The following STK33 variants were observed in gnomAD, a reference collection of about 807,000 sequenced individuals.
The protein encoded by STK33 is serine/threonine-protein kinase 33.
A neutral mutation model predicts 58.0 loss-of-function variants in STK33; 52 were observed. The observed-to-expected ratio is 0.90, with a 90% CI of 0.72 to 1.13. The LOEUF (loss-of-function observed/expected upper bound fraction) is 1.13. Among genes scored for constraint, STK33 ranks in the 50% most tolerant of loss-of-function variants. The probability of loss-of-function intolerance (pLI) is 0.00; values close to 1 mark genes in which losing one functional copy is unlikely to be tolerated. For missense variants in STK33, 630 were observed against 604.2 expected (o/e 1.04, Z -0.45); for synonymous variants, 215 against 200.1 (o/e 1.07, Z -0.63).
intron 1 of STK33, among the ~76,000 whole-genome samples, chr11:8,546,946 C>G (rs1955968903): frequency 6.6e-6 from 1 of 152,080 alleles, no homozygotes; most frequent in South Asian, 2.1e-4. Flanking sequence ...AGTGGGATTG[C>G]TGGATCATAC....
At chr11:8,526,471 A>G (rs1954033480) in intron 1 of STK33, among the ~76,000 whole-genome samples, 1 of 152,152 alleles carries the variant, frequency 6.6e-6, no homozygotes, top group Non-Finnish European at 1.5e-5. Context: ...AAAGTTAAAT[A>G]TACGCATATC....
rs529030457 is a variant in STK33, at chr11:8,503,444, C to A, written c.-465-22830G>T. On this transcript the variant is annotated intron_variant, in intron 1 of 15. Transcript: ENST00000687296. ...GTACACATGGACACAAAGAAGGGAA[C>A]AATAGACACTGGGGCCTGCTTGAGA... 2.0e-5 allele frequency among the ~76,000 whole-genome samples: 3 copies of A among 152,198 alleles called. No homozygotes were observed. In the East Asian group the frequency reaches 5.8e-4, roughly 29 times the overall value.
intron 1 of STK33, among the ~76,000 whole-genome samples, chr11:8,513,532 C>T (rs1952511758): frequency 6.6e-6 from 1 of 152,198 alleles, no homozygotes; most frequent in Non-Finnish European, 1.5e-5. Context: ...TAGAATCATG[C>T]TATCCACCTC....
chr11:8,591,841 G>T (rs915678553), intron 1 of STK33, among the ~76,000 whole-genome samples: 7 of 147,768 alleles, frequency 4.7e-5, no homozygotes, highest in African/African-American at 1.6e-4. Flanking sequence ...GTTGTGGGGT[G>T]GGGGGGAGTG....
chr11:8,519,925 C>T (rs1477746748), intron 1 of STK33, among the ~76,000 whole-genome samples: 2 of 152,178 alleles, frequency 1.3e-5, no homozygotes, highest in African/African-American at 4.8e-5. Context: ...CAAAGAGGAG[C>T]TGGTACCATT....
chr11:8,473,380 C>T (rs571773011), intron 5 of STK33, 104 bp from the exon 6 acceptor site: 385 of 693,924 alleles, frequency 5.5e-4, no homozygotes, highest in African/African-American at 5.0e-3. Flanking sequence ...TAACGTGTGC[C>T]ATGTTTACTA....
chr11:8,403,484 T>C (rs34617462), intron 15 of STK33, among the ~76,000 whole-genome samples: 34,048 of 152,144 alleles, frequency 0.22, 4,146 homozygotes, highest in South Asian at 0.36. Context: ...GAAGGAGGCA[T>C]ATTTCAGCAC....
intron 6 of STK33, chr11:8,465,360 C>T (rs1948053294): frequency 6.6e-6 from 1 of 150,678 alleles, no homozygotes; most frequent in South Asian, 2.1e-4. Flanking sequence ...CAATATGTGA[C>T]AAAAATTTCA....
chr11:8,535,875 G>GTA (rs1387363844), intron 1 of STK33, among the ~76,000 whole-genome samples: 4 of 152,028 alleles, frequency 2.6e-5, no homozygotes, highest in Non-Finnish European at 5.9e-5. Context: ...AGAAAATGTG[G>GTA]TATATATATA....
chr11:8,541,081 C>T (rs949526793), intron 1 of STK33, among the ~76,000 whole-genome samples: 4 of 150,940 alleles, frequency 2.7e-5, no homozygotes, highest in African/African-American at 9.8e-5. Flanking sequence ...TTTGAAACAA[C>T]ATTTTACAAT....
chr11:8,504,367 A>T (rs1426719761), intron 1 of STK33, among the ~76,000 whole-genome samples: 1 of 152,178 alleles, frequency 6.6e-6, no homozygotes, highest in African/African-American at 2.4e-5. Flanking sequence ...CAATGGCAAC[A>T]CCCTAAGCAG....
At chr11:8,369,058 G>A in the STK33 span, among the ~76,000 whole-genome samples, 3 of 152,134 alleles carry the variant, frequency 2.0e-5, no homozygotes, top group Non-Finnish European at 4.4e-5. Context: ...TACACATCTC[G>A]GTTCACTGCC....
intron 1 of STK33, among the ~76,000 whole-genome samples, chr11:8,529,233 G>C (rs1371335007): frequency 6.6e-6 from 1 of 152,206 alleles, no homozygotes; most frequent in Admixed American, 6.5e-5. Flanking sequence ...ATGGCAGCCT[G>C]AAAACATAAT....
At chr11:8,388,600 T>G (rs949064649), downstream of STK33, among the ~76,000 whole-genome samples, 2 of 152,216 alleles carry the variant, frequency 1.3e-5, no homozygotes, top group Non-Finnish European at 2.9e-5. Context: ...CTTGTAGAGA[T>G]GAAGCGAACA....
intron 6 of STK33, among the ~76,000 whole-genome samples, chr11:8,472,459 A>T (rs1181353437): frequency 1.3e-5 from 2 of 152,170 alleles, no homozygotes; most frequent in Non-Finnish European, 2.9e-5. Flanking sequence ...ATTTTTGTGT[A>T]TCAGGGACTA....
rs1283462129 is a variant in STK33 at position 8,551,247 on chromosome 11, G to A, written c.-466+42836C>T. On this transcript the variant is annotated intron_variant, in intron 1 of 15. Coordinates refer to ENST00000687296, the MANE Select transcript of STK33 (RefSeq NM_001352389.2). ...TGGGTTCAAGTGATTCTCCTGCCTC[G>A]GCCTCCTGAGTAGCTGGAACTATAG... is the stretch of plus-strand genomic sequence containing the variant. Among the ~76,000 whole-genome samples the A allele has an allele frequency of 2.6e-5, 4 of 151,456 alleles. No homozygotes were observed. The South Asian group carries it at 6.2e-4, about 24-fold the overall frequency.
chr11:8,404,637 A>G (rs569229984), intron 15 of STK33, among the ~76,000 whole-genome samples: 3 of 152,320 alleles, frequency 2.0e-5, no homozygotes, highest in South Asian at 2.1e-4. Context: ...AGATTCATCT[A>G]TGTAATAGTA....
At position 8,407,001 on chromosome 11, in the gene STK33, TTATTATGTAAAAGAAG is replaced by T. The variant is rs372917044; in HGVS notation, c.1344+6478_1344+6493del. 9.9e-5 allele frequency among the ~76,000 whole-genome samples: 15 copies of T among 152,004 alleles called. No individual in the cohort carries two copies. In the East Asian group the frequency reaches 2.9e-3, roughly 29 times the overall value. On this transcript the variant is annotated intron_variant, in intron 15 of 15. Coordinates refer to ENST00000687296, the MANE Select transcript of STK33 (RefSeq NM_001352389.2). ...GGATTTTTTTTTTTTGTAAAATCTC[TTATTATGTAAAAGAAG>T]TTCCCTTTTATTCCTAGTCTGCAGA...
At chr11:8,449,103 G>C (rs1271760474) in intron 11 of STK33, among the ~76,000 whole-genome samples, 1 of 151,642 alleles carries the variant, frequency 6.6e-6, no homozygotes, top group Non-Finnish European at 1.5e-5. Context: ...ACACCAGTTA[G>C]AATGGCGGTC....
Sources: allele counts gnomAD v4.1 joint callset (sites outside exome capture counted in the v4.1 genomes callset), GRCh38; gene constraint gnomAD v4.1.1; transcripts MANE v1.5; gene names NCBI Gene and HGNC (gene_info 2026-07-23, HGNC 2026-07-21).